Variants in ULK4 observed in about 807,000 individuals in gnomAD.
ULK4 encodes inactive serine/threonine-protein kinase ULK4.
In ULK4, 133 loss-of-function variants were observed where a neutral mutation model predicts 160.6. That is an observed-to-expected ratio of 0.83 (90% CI 0.72 to 0.96). The LOEUF (loss-of-function observed/expected upper bound fraction) is 0.96. Ranked by LOEUF, ULK4 falls within the 40% of genes least tolerant of loss-of-function variation. The pLI is 0.00. For synonymous variants in ULK4, 534 were observed against 539.8 expected (o/e 0.99, Z 0.15); for missense variants, 1,580 against 1,499.5 (o/e 1.05, Z -0.89).
chr3:41,802,216 A>G (rs1009491377), intron 19 of ULK4, among the ~76,000 whole-genome samples: 1 of 152,220 alleles, frequency 6.6e-6, no homozygotes, highest in African/African-American at 2.4e-5. Flanking sequence ...ACAAAAGAAC[A>G]AAGAATAAAA....
intron 22 of ULK4, among the ~76,000 whole-genome samples, chr3:41,734,910 G>C (rs1459028308): frequency 3.9e-5 from 6 of 152,164 alleles, no homozygotes; most frequent in African/African-American, 1.4e-4. Context: ...CCAGTGAGTA[G>C]GCAGAACCTC....
chr3:41,314,316 C>T (rs1263262682), intron 35 of ULK4, among the ~76,000 whole-genome samples: 2 of 152,130 alleles, frequency 1.3e-5, no homozygotes, highest in East Asian at 1.9e-4. Context: ...GAACAGTGAA[C>T]ACTATACCCA....
intron 19 of ULK4, among the ~76,000 whole-genome samples, chr3:41,803,403 A>C (rs2040528670): frequency 6.6e-6 from 1 of 152,178 alleles, no homozygotes; most frequent in Non-Finnish European, 1.5e-5. Flanking sequence ...ATGAATCACA[A>C]ACCTAAATGT....
At chr3:41,410,997 G>C (rs2082398380) in intron 34 of ULK4, among the ~76,000 whole-genome samples, 1 of 152,194 alleles carries the variant, frequency 6.6e-6, no homozygotes, top group Admixed American at 6.5e-5. Context: ...TTCTACAGGA[G>C]TGGAGGTTAG....
At chr3:41,515,111 G>C (rs1422366401) in intron 32 of ULK4, among the ~76,000 whole-genome samples, 1 of 151,756 alleles carries the variant, frequency 6.6e-6, no homozygotes, top group Non-Finnish European at 1.5e-5. Flanking sequence ...ACAAAAATTA[G>C]CTGTGTGTGA....
At chr3:41,560,743 T>A (rs958794299) in intron 32 of ULK4, among the ~76,000 whole-genome samples, 15 of 152,250 alleles carry the variant, frequency 9.9e-5, no homozygotes, top group African/African-American at 3.6e-4. Context: ...AAGTTGCTTA[T>A]CAGCTTAAGG....
chr3:41,513,971 T>A (rs1335946378), intron 32 of ULK4, among the ~76,000 whole-genome samples: 10 of 152,202 alleles, frequency 6.6e-5, no homozygotes, highest in African/African-American at 1.7e-4. Context: ...AAATAAAATT[T>A]AAAAAAATAA....
At chr3:41,862,295 C>A (rs1408005251) in intron 17 of ULK4, among the ~76,000 whole-genome samples, 1 of 152,168 alleles carries the variant, frequency 6.6e-6, no homozygotes, top group Non-Finnish European at 1.5e-5. Context: ...TAAATTCCTT[C>A]TCTGTGTTAC....
chr3:41,336,747 G>A (rs1163971720), intron 35 of ULK4, among the ~76,000 whole-genome samples: 1 of 152,172 alleles, frequency 6.6e-6, no homozygotes, highest in Non-Finnish European at 1.5e-5. Context: ...TACCTGGAAG[G>A]ACTGGGTCTC....
chr3:41,583,406 A>C (rs188913516), intron 31 of ULK4, among the ~76,000 whole-genome samples: 15 of 152,318 alleles, frequency 9.8e-5, no homozygotes, highest in Admixed American at 9.1e-4. Context: ...GATTAATAAG[A>C]GATGGATCAT....
intron 3 of ULK4, among the ~76,000 whole-genome samples, chr3:41,937,550 G>T (rs1476914119): frequency 6.7e-6 from 1 of 149,770 alleles, no homozygotes; most frequent in Non-Finnish European, 1.5e-5. Flanking sequence ...CTTAGCAGTG[G>T]TTATTACATT....
chr3:41,638,674 G>A (rs1204466584), intron 30 of ULK4, among the ~76,000 whole-genome samples: 1 of 152,214 alleles, frequency 6.6e-6, no homozygotes, highest in African/African-American at 2.4e-5. Context: ...CATGGCTAAA[G>A]CCACATTTGT....
At position 41,715,440 on chromosome 3, in the gene ULK4, A is replaced by G; in HGVS notation, c.2577+7T>C. On this transcript the variant is annotated splice_region_variant and intron_variant, in intron 24 of 36. Coordinates refer to ENST00000301831, the MANE Select transcript of ULK4 (RefSeq NM_017886.4). The stretch of plus-strand genomic sequence containing the variant: ...TTATATCCTTTTCCTCCTCAATACA[A>G]TAGTACCTGTGAAGTTACGAGGTGA... The G allele has an allele frequency of 6.2e-7, 1 of 1,614,170 alleles. No homozygotes were observed. The highest frequency in any genetic ancestry group is 2.2e-5 in the East Asian group (1 of 44,874).
chr3:41,937,466 T>A, intron 3 of ULK4: 1 of 573,772 alleles, frequency 1.7e-6, no homozygotes, highest in Non-Finnish European at 3.1e-6. Context: ...CAATATTCAA[T>A]TATCCTTTAT....
At chr3:41,717,251 C>T (rs1375671844) in intron 23 of ULK4, among the ~76,000 whole-genome samples, 2 of 151,680 alleles carry the variant, frequency 1.3e-5, no homozygotes, top group Non-Finnish European at 2.9e-5. Context: ...CTCATATACC[C>T]AATACATTTG....
intron 32 of ULK4, among the ~76,000 whole-genome samples, chr3:41,564,365 TC>T (rs1230698600): frequency 6.6e-6 from 1 of 151,422 alleles, no homozygotes; most frequent in African/African-American, 2.4e-5. Flanking sequence ...AGGTAGTCCG[TC>T]CGTTCTGAGA....
intron 27 of ULK4, among the ~76,000 whole-genome samples, chr3:41,683,298 G>A (rs578172865): frequency 1.3e-5 from 2 of 152,112 alleles, no homozygotes; most frequent in Admixed American, 6.5e-5. Context: ...ATGAAGCCTC[G>A]TCTGGGAGAA....
At chr3:41,605,305 G>C (rs1262547017) in intron 31 of ULK4, among the ~76,000 whole-genome samples, 1 of 151,650 alleles carries the variant, frequency 6.6e-6, no homozygotes. Flanking sequence ...CCCTTTAAAA[G>C]ACTAATATTA....
chr3:41,766,360 T>C (rs749835051), intron 21 of ULK4, among the ~76,000 whole-genome samples: 2 of 152,244 alleles, frequency 1.3e-5, no homozygotes, highest in Non-Finnish European at 2.9e-5. Flanking sequence ...CTGTGGTAGG[T>C]GATTTAAATA....
Sources: allele counts gnomAD v4.1 joint callset (sites outside exome capture counted in the v4.1 genomes callset), GRCh38; gene constraint gnomAD v4.1.1; transcripts MANE v1.5; gene names NCBI Gene and HGNC (gene_info 2026-07-23, HGNC 2026-07-21).